Variants in KIAA1217 observed in about 807,000 individuals in gnomAD.
The protein encoded by KIAA1217 is sickle tail protein homolog.
KIAA1217 carries 88 observed loss-of-function variants against 163.9 expected under a neutral mutation model. The observed-to-expected ratio is 0.54, with a 90% CI of 0.45 to 0.64. The LOEUF (loss-of-function observed/expected upper bound fraction) is 0.64, where lower values mean the gene tolerates loss of function less well. Among genes scored for constraint, KIAA1217 ranks in the 30% least tolerant of loss-of-function variants. KIAA1217 has a pLI of 0.00. For synonymous variants in KIAA1217, 903 were observed against 923.1 expected (o/e 0.98, Z 0.39); for missense variants, 2,372 against 2,475.0 (o/e 0.96, Z 0.88).
chr10:24,544,530 C>T (rs1307607281), intron 19 of KIAA1217, 49 bp downstream of exon 19: 1 of 1,547,378 alleles, frequency 6.5e-7, no homozygotes, highest in Non-Finnish European at 8.7e-7. Flanking sequence ...TTTCCTAAAT[C>T]TGCCATAATC....
chr10:23,810,970 AT>A (rs1837009368), intron 1 of KIAA1217, among the ~76,000 whole-genome samples: 4 of 118,672 alleles, frequency 3.4e-5, no homozygotes, highest in Non-Finnish European at 4.8e-5. Flanking sequence ...TATAGTATAT[AT>A]TATATACTAT....
At chr10:24,105,062 G>GATA (rs1653710484) in intron 2 of KIAA1217, among the ~76,000 whole-genome samples, 2 of 118,022 alleles carry the variant, frequency 1.7e-5, no homozygotes, top group African/African-American at 7.3e-5. Context: ...ACTGCAAGAT[G>GATA]ATGATGATGA....
chr10:24,195,359 C>T (rs542253490), intron 2 of KIAA1217, among the ~76,000 whole-genome samples: 1 of 152,174 alleles, frequency 6.6e-6, no homozygotes, highest in African/African-American at 2.4e-5. Context: ...AGGAGTATTT[C>T]TCCTTGTTCC....
intron 1 of KIAA1217, among the ~76,000 whole-genome samples, chr10:23,946,588 C>T (rs771270638): frequency 1.3e-5 from 2 of 152,096 alleles, no homozygotes; most frequent in African/African-American, 2.4e-5. Context: ...GGCACTGTGT[C>T]GAAGTGATCA....
chr10:23,783,829 G>C (rs937936766), intron 1 of KIAA1217, among the ~76,000 whole-genome samples: 2 of 151,852 alleles, frequency 1.3e-5, no homozygotes, highest in Non-Finnish European at 2.9e-5. Flanking sequence ...TTTCCTCTAA[G>C]TTATCCATTT....
intron 1 of KIAA1217, among the ~76,000 whole-genome samples, chr10:23,768,951 G>A (rs878950305): frequency 1.3e-5 from 2 of 152,162 alleles, no homozygotes; most frequent in African/African-American, 4.8e-5. Context: ...TGCTGCTAAG[G>A]ACTGGGAGTC....
chr10:24,101,076 C>CA (rs1564702230), intron 2 of KIAA1217, among the ~76,000 whole-genome samples: 1 of 151,580 alleles, frequency 6.6e-6, no homozygotes, highest in Non-Finnish European at 1.5e-5. Context: ...AAAAACAAAA[C>CA]AAAAAACAGT....
rs1325204593 is a variant in KIAA1217, at chr10:24,531,543, C to G, written c.3083-287C>G. Among the ~76,000 whole-genome samples, 3 of 152,226 alleles carry G rather than the reference C, an allele frequency of 2.0e-5. No individual in the cohort carries two copies. In the East Asian group the frequency reaches 5.8e-4, roughly 29 times the overall value. On this transcript the variant is annotated intron_variant, in intron 14 of 20. Coordinates refer to ENST00000376454, the MANE Select transcript of KIAA1217 (RefSeq NM_019590.5). ...TACATAGCATTTACACTATGCCAAG[C>G]TCAGCGTATAAGTCATTCAATCCTT...
intron 3 of KIAA1217, among the ~76,000 whole-genome samples, chr10:24,422,901 CTTT>C (rs58161228): frequency 5.0e-5 from 6 of 120,600 alleles, no homozygotes; most frequent in African/African-American, 1.6e-4. Context: ...ATAGATTTAA[CTTT>C]TTTTTTTTTT....
rs771938876 is a variant in KIAA1217, at chr10:24,433,012, T to C, written c.571T>C (p.Tyr191His). 18 of 1,613,432 alleles carry C rather than the reference T, an allele frequency of 1.1e-5. No individual in the cohort carries two copies. The Admixed American group carries it at 2.7e-4, about 24-fold the overall frequency. Residue 191 changes from tyrosine (Y) to histidine (H), a missense_variant, in exon 4 of 21, where the codon TAT becomes CAT. Tyr to His is a moderately conservative substitution (Grantham distance 83, BLOSUM62 2). Around this residue, in one of 3 missense-constraint regions of KIAA1217, gnomAD observed 1,431 missense variants for 1,470.3 expected, o/e 0.97. Coordinates refer to ENST00000376454, the MANE Select transcript of KIAA1217 (RefSeq NM_019590.5). ...GTGTGCAGGGGTTCTCTATCTCCAG[T>C]ATGGAGATGAAACCAAGCAGCTCAG... The part of the protein sequence containing the change: ...ERSLGVLYLQ[Y>H]GDETKQLRMP...
chr10:23,845,011 G>C (rs1042863377), intron 1 of KIAA1217, among the ~76,000 whole-genome samples: 3 of 152,130 alleles, frequency 2.0e-5, no homozygotes, highest in African/African-American at 7.2e-5. Context: ...TCTTGTGATA[G>C]TTTGCTGACA....
intron 1 of KIAA1217, among the ~76,000 whole-genome samples, chr10:23,862,761 G>T (rs1840014602): frequency 6.6e-6 from 1 of 152,012 alleles, no homozygotes; most frequent in South Asian, 2.1e-4. Flanking sequence ...CCAAGGTAAG[G>T]ATTTTATTTT....
intron 1 of KIAA1217, among the ~76,000 whole-genome samples, chr10:23,710,055 A>T (rs1329911411): frequency 6.6e-6 from 1 of 152,226 alleles, no homozygotes; most frequent in Admixed American, 6.5e-5. Context: ...TGTTGGATGG[A>T]TAACGGATGC....
chr10:24,094,296 A>G (rs2062061226), intron 2 of KIAA1217, among the ~76,000 whole-genome samples: 1 of 152,116 alleles, frequency 6.6e-6, no homozygotes, highest in South Asian at 2.1e-4. Context: ...ATTTCTCCAC[A>G]TCCTCTCCAG....
chr10:24,308,003 T>C (rs1260939749), intron 2 of KIAA1217, among the ~76,000 whole-genome samples: 3 of 152,182 alleles, frequency 2.0e-5, no homozygotes, highest in Non-Finnish European at 2.9e-5. Flanking sequence ...TGGAGCCACA[T>C]TGAATGAACT....
intron 1 of KIAA1217, among the ~76,000 whole-genome samples, chr10:23,894,570 G>C (rs550594717): frequency 1.1e-4 from 16 of 150,224 alleles, no homozygotes; most frequent in Non-Finnish European, 2.2e-4. Flanking sequence ...GCTGCCCAAG[G>C]TAATGGATAG....
At chr10:24,397,126 T>C (rs1481733423) in intron 3 of KIAA1217, among the ~76,000 whole-genome samples, 1 of 150,448 alleles carries the variant, frequency 6.6e-6, no homozygotes, top group Non-Finnish European at 1.5e-5. Flanking sequence ...TTTTTTTTTT[T>C]TTTGAGACGG....
intron 1 of KIAA1217, among the ~76,000 whole-genome samples, chr10:23,735,314 A>G (rs143686019): frequency 0.013 from 2,029 of 151,834 alleles, 37 homozygotes; most frequent in African/African-American, 0.043. Context: ...GCTCACTGCA[A>G]CCTCCACCTC....
chr10:24,047,289 C>T (rs1377250222), intron 2 of KIAA1217, among the ~76,000 whole-genome samples: 2 of 152,112 alleles, frequency 1.3e-5, no homozygotes, highest in Non-Finnish European at 2.9e-5. Context: ...CCTGGTGGTC[C>T]TAGTACAAGC....
Sources: gnomAD v4.1 joint callset for allele counts (sites outside exome capture counted in the v4.1 genomes callset) on GRCh38, gnomAD v4.1.1 for gene constraint, gnomAD v4.1.1 regional missense constraint, MANE v1.5 for transcripts, NCBI Gene and HGNC (gene_info 2026-07-23, HGNC 2026-07-21) for gene names.